The following CLCN3 variants were observed in gnomAD, a reference collection of about 807,000 sequenced individuals.
CLCN3 encodes Cl-/H+ antiporter 3.
Under a neutral mutation model 83.4 loss-of-function variants are expected in CLCN3, and 16 were observed. That is an observed-to-expected ratio of 0.19 (90% CI 0.13 to 0.29). The LOEUF (loss-of-function observed/expected upper bound fraction) is 0.29. CLCN3 is among the 10% of genes least tolerant of loss of function. CLCN3 has a pLI of 1.00. For synonymous variants in CLCN3, 322 were observed against 346.2 expected (o/e 0.93, Z 0.78); for missense variants, 544 against 1,006.0 (o/e 0.54, Z 6.21).
At chr4:169,684,995 T>TG (rs1732100323) in intron 3 of CLCN3, among the ~76,000 whole-genome samples, 2 of 151,160 alleles carry the variant, frequency 1.3e-5, no homozygotes, top group African/African-American at 4.9e-5. Context: ...TTTTTTTTTT[T>TG]TTTAAGAGAC....
rs751267932 is a variant in CLCN3, at chr4:169,720,020, A to C, written c.*23A>C. 6.2e-7 allele frequency: 1 copy of C among 1,613,782 alleles called. No homozygotes were observed. On this transcript the variant is annotated 3_prime_UTR_variant, in exon 13 of 13. Coordinates refer to ENST00000513761, the MANE Select transcript of CLCN3 (RefSeq NM_001829.4). ...TGAATCTCACAGATGAGGAGAGAGA[A>C]GAAACGGAAGAGGAAGTTTATTTGT...
intron 1 of CLCN3, among the ~76,000 whole-genome samples, chr4:169,625,275 A>G (rs951211253): frequency 5.9e-5 from 9 of 152,022 alleles, no homozygotes; most frequent in Non-Finnish European, 5.9e-5. Context: ...CACCCAGTTT[A>G]TATCCACTTT....
At chr4:169,704,529 A>C (rs148083276) in intron 10 of CLCN3, among the ~76,000 whole-genome samples, 1 of 152,228 alleles carries the variant, frequency 6.6e-6, no homozygotes, top group Non-Finnish European at 1.5e-5. Flanking sequence ...TGGCTTACCT[A>C]TAACAACTAT....
chr4:169,704,072 G>C lies in CLCN3; in HGVS notation c.1638G>C (p.Glu546Asp). 6.2e-7 allele frequency: 1 copy of C among 1,614,098 alleles called. No individual in the cohort carries two copies. Among genetic ancestry groups the C allele is most frequent in the Non-Finnish European group, 8.5e-7 (1 of 1,180,010 alleles). ...IAGRIVGIAV[E>D]QLAYYHHDWF... ...GAAGGATTGTGGGGATTGCGGTGGA[G>C]CAGCTTGCCTACTATCACCACGACT... Residue 546 changes from glutamate (E) to aspartate (D), a missense_variant, in exon 10 of 13, where the codon GAG becomes GAC. By Grantham distance (45) the Glu-to-Asp change is conservative. This residue lies in a region of CLCN3 where 194 missense variants were observed against 341.4 expected (regional missense o/e 0.57). Transcript: ENST00000513761.
At chr4:169,703,498 A>G (rs912527925) in intron 9 of CLCN3, among the ~76,000 whole-genome samples, 9 of 152,224 alleles carry the variant, frequency 5.9e-5, no homozygotes. Context: ...GTTAAGTTTT[A>G]TGAAAAATAC....
intron 2 of CLCN3, chr4:169,662,655 C>T (rs1462561517): frequency 6.6e-6 from 1 of 152,082 alleles, no homozygotes; most frequent in Non-Finnish European, 1.5e-5. Context: ...TCCCTGAGTG[C>T]TATAGCCAAG....
intron 1 of CLCN3, among the ~76,000 whole-genome samples, chr4:169,631,951 C>G (rs1229063410): frequency 6.6e-6 from 1 of 152,102 alleles, no homozygotes; most frequent in Non-Finnish European, 1.5e-5. Flanking sequence ...CAGAAAAGCC[C>G]TGGACCAGAT....
At chr4:169,652,088 G>A (rs1038135693) in intron 2 of CLCN3, among the ~76,000 whole-genome samples, 4 of 152,162 alleles carry the variant, frequency 2.6e-5, no homozygotes, top group African/African-American at 7.2e-5. Flanking sequence ...ACGTAATTGT[G>A]TAGTTTAATT....
intron 11 of CLCN3, among the ~76,000 whole-genome samples, chr4:169,709,508 A>G (rs1255053069): frequency 1.3e-5 from 2 of 152,158 alleles, no homozygotes; most frequent in East Asian, 3.9e-4. Flanking sequence ...ATGTGGTGAA[A>G]TCCCGCCTCT....
intron 8 of CLCN3, among the ~76,000 whole-genome samples, chr4:169,696,075 TTTTTG>T (rs557608500): frequency 1.3e-5 from 2 of 152,120 alleles, no homozygotes; most frequent in East Asian, 1.9e-4. Flanking sequence ...TTGTGGGGTT[TTTTTG>T]TTTTGTTTTG....
In CLCN3 at chr4:169,694,839, C is replaced by CA. The variant is rs1238554410; in HGVS notation, c.937-765dup. Among the ~76,000 whole-genome samples, 10 of 151,164 alleles carry CA rather than the reference C, an allele frequency of 6.6e-5. No individual in the cohort carries two copies. The East Asian group carries it at 9.7e-4, about 15-fold the overall frequency. Reference sequence around the variant, plus strand: ...GAGAAACAAGAGAGAAACTCTGTCTCAAAAAAAATAAAGGAATACAGACTC... The same window carrying CA: ...GAGAAACAAGAGAGAAACTCTGTCTCAAAAAAAAATAAAGGAATACAGACTC... On this transcript the variant is annotated intron_variant, in intron 7 of 12. Transcript: ENST00000513761.
rs1317271187 is a variant in CLCN3 at position 169,717,984 on chromosome 4, T to G, written c.2367-1923T>G. 38 of 584,262 alleles carry G rather than the reference T, an allele frequency of 6.5e-5. No homozygotes were observed. The East Asian group carries it at 1.0e-3, about 16-fold the overall frequency. The allele number at this position is 584,262 out of a possible 1,614,324, so 36.2% of individuals were successfully genotyped here. A position where few individuals can be genotyped will look rare whatever the true frequency, so the allele number is the denominator to read the frequency against. Reference sequence around the variant, plus strand: ...TCTGCTGAACAAAAATATCCTACTATGCTGCCAATTACATTTGTATCTGAT... The same window carrying G: ...TCTGCTGAACAAAAATATCCTACTAGGCTGCCAATTACATTTGTATCTGAT... On this transcript the variant is annotated intron_variant, in intron 12 of 12. Coordinates refer to ENST00000513761, the MANE Select transcript of CLCN3 (RefSeq NM_001829.4).
chr4:169,674,743 C>A (rs1014002953), intron 2 of CLCN3, among the ~76,000 whole-genome samples: 11 of 152,150 alleles, frequency 7.2e-5, no homozygotes, highest in Non-Finnish European at 1.3e-4. Flanking sequence ...AAGTTTTACA[C>A]CTTTCCAAGG....
chr4:169,627,266 T>C (rs1773258736), intron 1 of CLCN3, among the ~76,000 whole-genome samples: 1 of 152,188 alleles, frequency 6.6e-6, no homozygotes, highest in Non-Finnish European at 1.5e-5. Flanking sequence ...CGCATACTTT[T>C]TTTGTGTGTG....
chr4:169,719,651 C>T (rs1383736476), intron 12 of CLCN3, among the ~76,000 whole-genome samples: 1 of 150,928 alleles, frequency 6.6e-6, no homozygotes, highest in Non-Finnish European at 1.5e-5. Flanking sequence ...AATAGCTCTG[C>T]TTCATTGAGG....
chr4:169,667,753 C>CTTT, intron 2 of CLCN3, among the ~76,000 whole-genome samples: 1 of 131,834 alleles, frequency 7.6e-6, no homozygotes, highest in South Asian at 2.7e-4. Context: ...ACTTTTTTTT[C>CTTT]TTTTTTTTTT....
chr4:169,661,566 A>G (rs1009448282), intron 2 of CLCN3, among the ~76,000 whole-genome samples: 3 of 152,082 alleles, frequency 2.0e-5, no homozygotes. Context: ...CAGTTGTAGC[A>G]TTATTTATCT....
chr4:169,663,125 ATGTGTGTGTGTG>A (rs55965836), intron 2 of CLCN3: 1 of 141,638 alleles, frequency 7.1e-6, no homozygotes, highest in Non-Finnish European at 1.5e-5. Context: ...GTGAGCATAT[ATGTGTGTGTGTG>A]TGTGTGTGTG....
In CLCN3 at chr4:169,697,173, C is replaced by T. The variant is rs780744100; in HGVS notation, c.1018-16C>T. The T allele has an allele frequency of 2.0e-6, 3 of 1,516,956 alleles. No individual in the cohort carries two copies. The highest frequency in any genetic ancestry group is 1.8e-6 in the Non-Finnish European group (2 of 1,130,242). The allele number at this position is 1,516,956 out of a possible 1,614,324, so 94.0% of individuals were successfully genotyped here. On this transcript the variant is annotated splice_polypyrimidine_tract_variant and intron_variant, in intron 8 of 12. Coordinates refer to ENST00000513761, the MANE Select transcript of CLCN3 (RefSeq NM_001829.4). ...AATTATAGCATTAATTTTTCTTTTCCTTTTCTTTTTTTTAGGTTAGCTATT... is the reference window on the plus strand; with the variant it reads ...AATTATAGCATTAATTTTTCTTTTCTTTTTCTTTTTTTTAGGTTAGCTATT...
Sources: gnomAD v4.1 joint callset for allele counts (sites outside exome capture counted in the v4.1 genomes callset) on GRCh38, gnomAD v4.1.1 for gene constraint, gnomAD v4.1.1 regional missense constraint, MANE v1.5 for transcripts, NCBI Gene and HGNC (gene_info 2026-07-23, HGNC 2026-07-21) for gene names.